Variants in PRDM6 observed in about 807,000 individuals in gnomAD.
PRDM6 encodes the protein PR/SET domain 6.
In PRDM6, 25 loss-of-function variants were observed where a neutral mutation model predicts 60.8. The ratio of observed to expected loss-of-function variants is 0.41; its 90% confidence interval spans 0.30 to 0.57. The LOEUF is 0.57. Among genes scored for constraint, PRDM6 ranks in the 20% least tolerant of loss-of-function variants. PRDM6 has a pLI of 0.27. For missense variants in PRDM6, 839 were observed against 821.3 expected, an observed-to-expected ratio of 1.02 and a Z score of -0.26; for synonymous variants, 407 against 357.4, an observed-to-expected ratio of 1.14 and a Z score of -1.57.
intron 3 of PRDM6, among the ~76,000 whole-genome samples, chr5:123,151,315 T>C (rs900429938): frequency 1.3e-5 from 2 of 152,118 alleles, no homozygotes; most frequent in African/African-American, 4.8e-5. Context: ...CGGATCCCAC[T>C]TCCCCCTCCC....
rs1209774892 is a variant in PRDM6 at position 123,090,210 on chromosome 5, C to T, written c.196C>T (p.Pro66Ser). 6.8e-7 allele frequency: 1 copy of T among 1,481,080 alleles called. No homozygotes were observed. Among genetic ancestry groups the T allele is most frequent in the Non-Finnish European group, 8.9e-7 (1 of 1,118,450 alleles). 91.7% of individuals were successfully genotyped at this position (1,481,080 alleles called of 1,614,324 possible). A position where few individuals can be genotyped will look rare whatever the true frequency, so the allele number is the denominator to read the frequency against. ...PPPPERAEPP[P>S]DSLRPRPASL... ...GCCCCCGGAGCGCGCTGAGCCTCCG[C>T]CGGACAGCCTGCGCCCGCGGCCCGC... Residue 66 changes from proline (P) to serine (S), a missense_variant, in exon 2 of 8, where the codon CCG becomes TCG. Physicochemically the swap from Pro to Ser is moderately conservative, Grantham distance 74. Transcript: ENST00000407847.
intron 3 of PRDM6, among the ~76,000 whole-genome samples, chr5:123,122,415 A>G (rs1764602203): frequency 6.6e-6 from 1 of 152,164 alleles, no homozygotes; most frequent in South Asian, 2.1e-4. Context: ...TATCTTGTGA[A>G]TGTAAACATT....
intron 1 of PRDM6, among the ~76,000 whole-genome samples, 177 bp downstream of exon 1, chr5:123,089,696 G>A (rs1299892321): frequency 6.6e-6 from 1 of 152,112 alleles, no homozygotes. Flanking sequence ...CTGAGGGCGG[G>A]GGCTGCGTCC....
intron 3 of PRDM6, among the ~76,000 whole-genome samples, chr5:123,133,210 C>T (rs1352313222): frequency 3.3e-5 from 5 of 152,038 alleles, no homozygotes; most frequent in Non-Finnish European, 5.9e-5. Flanking sequence ...TCTCCTTTTC[C>T]ATTTAAAAGA....
At chr5:123,136,678 G>A (rs1034659213) in intron 3 of PRDM6, among the ~76,000 whole-genome samples, 1 of 152,178 alleles carries the variant, frequency 6.6e-6, no homozygotes, top group Non-Finnish European at 1.5e-5. Flanking sequence ...TTTGCCGATG[G>A]TGGTAGAAAA....
chr5:123,113,048 A>C (rs976269220), intron 3 of PRDM6, among the ~76,000 whole-genome samples: 10 of 152,136 alleles, frequency 6.6e-5, no homozygotes, highest in African/African-American at 2.4e-4. Flanking sequence ...ACACTTTTGA[A>C]TTAACATAAA....
intron 5 of PRDM6, among the ~76,000 whole-genome samples, chr5:123,166,231 C>T (rs1269101099): frequency 6.6e-6 from 1 of 152,150 alleles, no homozygotes; most frequent in Admixed American, 6.5e-5. Flanking sequence ...CCCTGAGCTC[C>T]TTCCTACTTC....
intron 3 of PRDM6, among the ~76,000 whole-genome samples, chr5:123,127,210 G>A (rs917485560): frequency 6.6e-6 from 1 of 152,048 alleles, no homozygotes; most frequent in Non-Finnish European, 1.5e-5. Flanking sequence ...GCTAATTCTT[G>A]TATGTTTAGT....
intron 3 of PRDM6, among the ~76,000 whole-genome samples, chr5:123,104,989 AAAATT>A (rs1451072411): frequency 6.6e-6 from 1 of 152,244 alleles, no homozygotes; most frequent in Non-Finnish European, 1.5e-5. Context: ...GCTTTAAAAA[AAAATT>A]ATAACAGCCA....
chr5:123,089,943 T>G (rs1417370253), intron 1 of PRDM6, 57 bp from the exon 2 acceptor site: 13 of 1,340,100 alleles, frequency 9.7e-6, no homozygotes, highest in Non-Finnish European at 1.3e-5. Context: ...AGTGGCCCTC[T>G]TCCCGGCCCC....
intron 3 of PRDM6, among the ~76,000 whole-genome samples, chr5:123,122,728 G>A (rs1764608177): frequency 6.6e-6 from 1 of 152,066 alleles, no homozygotes; most frequent in Non-Finnish European, 1.5e-5. Context: ...CTAGTTGGAG[G>A]TAATAACTTG....
At chr5:123,107,998 G>A (rs943083440) in intron 3 of PRDM6, among the ~76,000 whole-genome samples, 1 of 152,042 alleles carries the variant, frequency 6.6e-6, no homozygotes, top group Non-Finnish European at 1.5e-5. Flanking sequence ...TCTGGTTTCT[G>A]TTAAGACTTA....
At chr5:123,151,038 A>G (rs1248596553) in intron 3 of PRDM6, among the ~76,000 whole-genome samples, 1 of 152,220 alleles carries the variant, frequency 6.6e-6, no homozygotes, top group African/African-American at 2.4e-5. Flanking sequence ...TTAAGAAAAT[A>G]CAGAATTATT....
At chr5:123,159,981 T>G (rs1200693487) in intron 5 of PRDM6, among the ~76,000 whole-genome samples, 5 of 152,242 alleles carry the variant, frequency 3.3e-5, no homozygotes, top group Admixed American at 3.3e-4. Flanking sequence ...CAGTGTAAGA[T>G]TCACCTTCTG....
intron 3 of PRDM6, among the ~76,000 whole-genome samples, chr5:123,107,403 GT>G (rs1251750248): frequency 1.3e-5 from 2 of 152,152 alleles, no homozygotes; most frequent in Non-Finnish European, 2.9e-5. Context: ...AATGCTGCAG[GT>G]TTTCCTATAT....
chr5:123,101,640 A>G (rs377055925), intron 3 of PRDM6, among the ~76,000 whole-genome samples: 6 of 152,332 alleles, frequency 3.9e-5, no homozygotes, highest in South Asian at 4.1e-4. Flanking sequence ...ACTGAACACT[A>G]TTATATTGCC....
In PRDM6 at chr5:123,194,028, T is replaced by A. The variant is rs1219206154; in HGVS notation, c.*6827T>A. 3.9e-5 allele frequency: 6 copies of A among 152,050 alleles called. No individual in the cohort carries two copies. The highest frequency in any genetic ancestry group is 8.8e-5 in the Non-Finnish European group (6 of 68,016). The allele number at this position is 152,050 out of a possible 1,614,324, so 9.4% of individuals were successfully genotyped here. On this transcript the variant is annotated 3_prime_UTR_variant, in exon 8 of 8. Transcript: ENST00000407847. Reference sequence around the variant, plus strand: ...AGGGCCACTGATATGACAAGAATGATTATCCCACAGTAAGAATGGGTAAAA... The same window carrying A: ...AGGGCCACTGATATGACAAGAATGAATATCCCACAGTAAGAATGGGTAAAA...
chr5:123,146,411 G>A (rs1561852175), intron 3 of PRDM6, among the ~76,000 whole-genome samples: 2 of 152,138 alleles, frequency 1.3e-5, no homozygotes, highest in Non-Finnish European at 2.9e-5. Flanking sequence ...TTTGGTGTAC[G>A]ATTGTATGTA....
intron 3 of PRDM6, among the ~76,000 whole-genome samples, chr5:123,104,331 A>T (rs1764163439): frequency 6.6e-6 from 1 of 152,114 alleles, no homozygotes; most frequent in Admixed American, 6.5e-5. Context: ...TAAATGACTC[A>T]ATTTCATATA....
Sources: gnomAD v4.1 joint callset for allele counts (sites outside exome capture counted in the v4.1 genomes callset) on GRCh38, gnomAD v4.1.1 for gene constraint, MANE v1.5 for transcripts, NCBI Gene and HGNC (gene_info 2026-07-23, HGNC 2026-07-21) for gene names.